GPR89B: variants seen among roughly 807,000 people sequenced by gnomAD.
GPR89B encodes G protein-coupled receptor 89B.
In GPR89B, 25 loss-of-function variants were observed where a neutral mutation model predicts 52.4. That is an observed-to-expected ratio of 0.48 (90% confidence interval 0.35 to 0.67). The LOEUF (loss-of-function observed/expected upper bound fraction) is 0.67. Ranked by LOEUF, GPR89B falls within the 30% of genes least tolerant of loss-of-function variation. GPR89B has a pLI of 0.01. For synonymous variants in GPR89B, 52 were observed against 151.2 expected (o/e 0.34, Z 4.81); for missense variants, 146 against 450.2 (o/e 0.32, Z 6.11).
intron 10 of GPR89B, among the ~76,000 whole-genome samples, chr1:147,983,509 T>G (rs1471522659): frequency 3.9e-5 from 6 of 152,050 alleles, no homozygotes; most frequent in Admixed American, 6.6e-5. Context: ...ATCAAAAAGT[T>G]GGCGAAGGAC....
chr1:147,978,950 A>G (rs1156527130), intron 10 of GPR89B, among the ~76,000 whole-genome samples: 1 of 151,202 alleles, frequency 6.6e-6, no homozygotes, highest in Non-Finnish European at 1.5e-5. Context: ...GCATCTGGGC[A>G]GCTCTGTGCT....
chr1:147,950,688 C>T lies in GPR89B; in HGVS notation c.416-2657C>T, dbSNP rs587765996. ...GACTCCGTCTGCAATCCCGGCACCT[C>T]GGGAGGCCGAGGCTGGCGGATCACT... On this transcript the variant is annotated intron_variant, in intron 5 of 13. Coordinates refer to ENST00000314163, the MANE Select transcript of GPR89B (RefSeq NM_016334.5). Among the ~76,000 whole-genome samples the T allele has an allele frequency of 9.7e-3, 1,469 of 152,216 alleles. 22 individuals are homozygous for T. The highest frequency in any genetic ancestry group is 0.034 in the African/African-American group (1,406 of 41,462).
At position 147,944,754 on chromosome 1, in the gene GPR89B, A is replaced by G. The variant is rs1571238214; in HGVS notation, c.415+656A>G. Among the ~76,000 whole-genome samples, 4 of 127,746 alleles carry G rather than the reference A, an allele frequency of 3.1e-5. No individual in the cohort carries two copies. The South Asian group carries it at 1.1e-3, about 37-fold the overall frequency. The allele number at this position is 127,746 out of a possible 152,430, so 83.8% of individuals were successfully genotyped here. ...TAAGCTAAAAACAATGAACAAAAGT[A>G]CCTCAGCTAACAAGTCCTTCCAGAA... On this transcript the variant is annotated intron_variant, in intron 5 of 13. Transcript: ENST00000314163.
intron 5 of GPR89B, among the ~76,000 whole-genome samples, chr1:147,944,952 T>C (rs1230995084): frequency 6.6e-6 from 1 of 152,098 alleles, no homozygotes; most frequent in Non-Finnish European, 1.5e-5. Flanking sequence ...ATTAGGCTTC[T>C]TATTGCAGAA....
chr1:147,990,355 G>A (rs2149096254), intron 12 of GPR89B, among the ~76,000 whole-genome samples: 1 of 152,212 alleles, frequency 6.6e-6, no homozygotes, highest in Non-Finnish European at 1.5e-5. Context: ...TTAGCCCTTT[G>A]TCAGATAAGT....
chr1:148,003,346 G>A, the GPR89B span, among the ~76,000 whole-genome samples: 8 of 151,794 alleles, frequency 5.3e-5, no homozygotes, highest in African/African-American at 1.5e-4. Flanking sequence ...CCCACACCTC[G>A]GCCTCAGGTC....
At chr1:147,940,635 T>C (rs587692892) in intron 3 of GPR89B, among the ~76,000 whole-genome samples, 1 of 152,330 alleles carries the variant, frequency 6.6e-6, no homozygotes, top group South Asian at 2.1e-4. Context: ...CTATCACAAG[T>C]ACTCAGCTCT....
intron 9 of GPR89B, 106 bp from the exon 10 acceptor site, chr1:147,969,761 G>T: frequency 1.3e-6 from 2 of 1,512,322 alleles, no homozygotes; most frequent in East Asian, 2.5e-5. Flanking sequence ...GCAATGTATG[G>T]TTTTTTGACT....
chr1:148,000,108 C>A, the GPR89B span, among the ~76,000 whole-genome samples: 30 of 152,142 alleles, frequency 2.0e-4, no homozygotes, highest in South Asian at 5.4e-3. Context: ...GGTATTCATA[C>A]AATTTACTTT....
downstream of GPR89B, among the ~76,000 whole-genome samples, chr1:147,994,972 T>C (rs1659280488): frequency 6.6e-6 from 1 of 152,128 alleles, no homozygotes; most frequent in South Asian, 2.1e-4. Context: ...CCAGGAAAAA[T>C]TGGGCAAAAA....
At chr1:147,928,815 T>G (rs1451309799) in intron 1 of GPR89B, 4 of 266,802 alleles carry the variant, frequency 1.5e-5, no homozygotes, top group Non-Finnish European at 2.3e-5. Flanking sequence ...TCCCCGGAAT[T>G]TCGGTCCACT....
chr1:147,970,543 C>CTA (rs1657378175), intron 10 of GPR89B, among the ~76,000 whole-genome samples: 48 of 129,482 alleles, frequency 3.7e-4, no homozygotes, highest in African/African-American at 1.1e-3. Flanking sequence ...CTATCTCTAT[C>CTA]TCTCTCTCTC....
intron 10 of GPR89B, among the ~76,000 whole-genome samples, chr1:147,972,465 T>C (rs1303806372): frequency 2.0e-5 from 3 of 151,156 alleles, no homozygotes; most frequent in Admixed American, 2.0e-4. Context: ...GTTTCAGTTG[T>C]TCACATCCTC....
intron 1 of GPR89B, among the ~76,000 whole-genome samples, chr1:147,936,220 C>T (rs1462131264): frequency 6.6e-6 from 1 of 152,180 alleles, no homozygotes; most frequent in Non-Finnish European, 1.5e-5. Flanking sequence ...CCATGTTGGC[C>T]AGACTGGTCT....
chr1:147,956,861 C>G (rs1360891901), intron 7 of GPR89B, among the ~76,000 whole-genome samples: 1 of 151,840 alleles, frequency 6.6e-6, no homozygotes, highest in Non-Finnish European at 1.5e-5. Flanking sequence ...CCTCAGCCTC[C>G]CGAGTATCTG....
chr1:148,009,329 C>T, the GPR89B span: 1 of 1,611,214 alleles, frequency 6.2e-7, no homozygotes, highest in South Asian at 1.1e-5. Context: ...CCCTGCTCCC[C>T]AAAAAATTCT....
At chr1:147,993,955 C>G (rs1285387098), downstream of GPR89B, 6 of 295,498 alleles carry the variant, frequency 2.0e-5, no homozygotes, top group Non-Finnish European at 3.9e-5. Flanking sequence ...GCAGCTGTCA[C>G]CTATACAGAG....
intron 5 of GPR89B, among the ~76,000 whole-genome samples, chr1:147,950,684 A>C (rs1655594914): frequency 6.6e-6 from 1 of 152,150 alleles, no homozygotes; most frequent in Admixed American, 6.5e-5. Context: ...CAATCCCGGC[A>C]CCTCGGGAGG....
chr1:148,017,461 G>A, the GPR89B span, among the ~76,000 whole-genome samples: 2 of 151,204 alleles, frequency 1.3e-5, no homozygotes, highest in East Asian at 2.0e-4. Context: ...TAGGCCAGGC[G>A]CGGTGGTTCA....
Sources: gnomAD v4.1 joint callset for allele counts (sites outside exome capture counted in the v4.1 genomes callset) on GRCh38, gnomAD v4.1.1 for gene constraint, MANE v1.5 for transcripts, NCBI Gene and HGNC (gene_info 2026-07-23, HGNC 2026-07-21) for gene names.